The following CENPP variants were observed in gnomAD, a reference collection of about 807,000 sequenced individuals.
CENPP encodes centromere protein P.
A neutral mutation model predicts 35.6 loss-of-function variants in CENPP; 24 were observed. The ratio of observed to expected loss-of-function variants is 0.67; its 90% confidence interval spans 0.49 to 0.95. The LOEUF is 0.95. Among genes scored for constraint, CENPP ranks in the 40% least tolerant of loss-of-function variants. The pLI is 0.00. For synonymous variants in CENPP, 120 were observed against 125.5 expected (o/e 0.96, Z 0.29); for missense variants, 332 against 345.3 (o/e 0.96, Z 0.31).
At chr9:92,504,084 T>A (rs1427258087) in intron 5 of CENPP, among the ~76,000 whole-genome samples, 1 of 152,232 alleles carries the variant, frequency 6.6e-6, no homozygotes, top group Non-Finnish European at 1.5e-5. Context: ...CTCTTTTGTA[T>A]TATCCTCATT....
At chr9:92,570,509 T>A (rs1033882608) in intron 5 of CENPP, among the ~76,000 whole-genome samples, 21 of 152,328 alleles carry the variant, frequency 1.4e-4, no homozygotes, top group East Asian at 5.8e-4. Context: ...TTTGCATCAA[T>A]GTTCATCAGG....
intron 4 of CENPP, among the ~76,000 whole-genome samples, chr9:92,350,180 G>A (rs1841407475): frequency 6.6e-6 from 1 of 152,176 alleles, no homozygotes; most frequent in Non-Finnish European, 1.5e-5. Flanking sequence ...TTGAGAAGGA[G>A]ACATTTGGAG....
intron 5 of CENPP, among the ~76,000 whole-genome samples, chr9:92,537,062 G>A (rs1049229707): frequency 2.0e-5 from 3 of 151,340 alleles, no homozygotes; most frequent in African/African-American, 7.3e-5. Flanking sequence ...TTTTAGTAGA[G>A]ATGGGGTTTC....
intron 5 of CENPP, among the ~76,000 whole-genome samples, chr9:92,531,965 T>G (rs899236758): frequency 6.6e-6 from 1 of 151,488 alleles, no homozygotes; most frequent in Non-Finnish European, 1.5e-5. Flanking sequence ...TTCCAGTATT[T>G]TATTGTTGCC....
At chr9:92,444,146 C>T (rs1330561420) in intron 5 of CENPP, among the ~76,000 whole-genome samples, 8 of 152,062 alleles carry the variant, frequency 5.3e-5, no homozygotes, top group African/African-American at 9.7e-5. Flanking sequence ...TATATCACTC[C>T]GCTTTGAGAT....
chr9:92,517,829 T>G (rs1343185258), intron 5 of CENPP: 1 of 1,614,084 alleles, frequency 6.2e-7, no homozygotes, highest in Non-Finnish European at 8.5e-7. Context: ...ACCACACAGC[T>G]TTGTTGTACA....
intron 1 of CENPP, among the ~76,000 whole-genome samples, chr9:92,327,411 A>G (rs1588025400): frequency 6.6e-6 from 1 of 152,176 alleles, no homozygotes; most frequent in Admixed American, 6.5e-5. Context: ...TGGGGCAGGG[A>G]TTTATGCTGT....
intron 5 of CENPP, among the ~76,000 whole-genome samples, chr9:92,533,170 C>T (rs1848908157): frequency 2.0e-5 from 3 of 150,000 alleles, no homozygotes; most frequent in Admixed American, 6.7e-5. Flanking sequence ...TGTGGTGGCA[C>T]GCGCGTGTAG....
At chr9:92,357,804 C>G (rs971640958) in intron 4 of CENPP, among the ~76,000 whole-genome samples, 2 of 152,010 alleles carry the variant, frequency 1.3e-5, no homozygotes, top group Non-Finnish European at 2.9e-5. Flanking sequence ...CACTATCTCC[C>G]TCACTTTTTA....
intron 5 of CENPP, among the ~76,000 whole-genome samples, chr9:92,409,920 T>C (rs561444482): frequency 2.6e-5 from 4 of 152,212 alleles, no homozygotes; most frequent in African/African-American, 9.6e-5. Flanking sequence ...GGTTTTTCTT[T>C]GTTTTGTTTT....
At chr9:92,396,529 C>T (rs910766269) in intron 5 of CENPP, among the ~76,000 whole-genome samples, 55 of 151,122 alleles carry the variant, frequency 3.6e-4, no homozygotes, top group African/African-American at 9.5e-4. Context: ...CTCTTAGCAG[C>T]GTTATTTAGA....
At chr9:92,513,308 A>G (rs1193054899) in intron 5 of CENPP, among the ~76,000 whole-genome samples, 1 of 152,216 alleles carries the variant, frequency 6.6e-6, no homozygotes, top group African/African-American at 2.4e-5. Context: ...AACTGACAGT[A>G]CCAAGTGCGG....
chr9:92,368,088 A>G (rs1301023578), intron 4 of CENPP, among the ~76,000 whole-genome samples: 1 of 152,158 alleles, frequency 6.6e-6, no homozygotes, highest in Non-Finnish European at 1.5e-5. Flanking sequence ...TTAAGTTCTT[A>G]TGTGTGAATA....
In CENPP at chr9:92,513,466, AC is replaced by A. The variant is rs370994781; in HGVS notation, c.565-97847del. Among the ~76,000 whole-genome samples, 4 of 152,284 alleles carry A rather than the reference AC, an allele frequency of 2.6e-5. No individual in the cohort carries two copies. In the East Asian group the frequency reaches 5.8e-4, roughly 22 times the overall value. The stretch of plus-strand genomic sequence containing the variant: ...CCTGGGCATTGCCCTAGAGAAATGA[AC>A]ACTTAGGTCCACACAAACATCTGTA... On this transcript the variant is annotated intron_variant, in intron 5 of 7. Coordinates refer to ENST00000375587, the MANE Select transcript of CENPP (RefSeq NM_001012267.3).
At chr9:92,418,169 C>T in intron 5 of CENPP, among the ~76,000 whole-genome samples, 1 of 151,920 alleles carries the variant, frequency 6.6e-6, no homozygotes, top group East Asian at 1.9e-4. Flanking sequence ...TCACTGCAGC[C>T]TCCACCTCCC....
chr9:92,343,245 G>A (rs72750502), intron 3 of CENPP, among the ~76,000 whole-genome samples: 4,653 of 152,190 alleles, frequency 0.031, 110 homozygotes, highest in South Asian at 0.079. Flanking sequence ...TAAGTAAATG[G>A]ATCCAGAGAG....
intron 4 of CENPP, among the ~76,000 whole-genome samples, chr9:92,374,398 G>C (rs892673612): frequency 6.6e-6 from 1 of 151,942 alleles, no homozygotes; most frequent in Non-Finnish European, 1.5e-5. Flanking sequence ...AGAGACGGAG[G>C]TTTCTCCATG....
Position 92,619,684 on chromosome 9 carries a change from G to T in CENPP, c.*6535G>T, listed in dbSNP as rs1851563215. On this transcript the variant is annotated 3_prime_UTR_variant, in exon 8 of 8. Transcript: ENST00000375587. The stretch of plus-strand genomic sequence containing the variant: ...TTCCTGCCTCAGAACCTGAGGGTGG[G>T]ATTAGGAGCGAGGGCCACGGTGAGC... 3.2e-6 allele frequency: 3 copies of T among 925,624 alleles called. No homozygotes were observed. Among genetic ancestry groups the T allele is most frequent in the South Asian group, 1.5e-5 (1 of 68,178 alleles). The allele number at this position is 925,624 out of a possible 1,614,324, so 57.3% of individuals were successfully genotyped here.
chr9:92,568,166 A>G (rs1850042561), intron 5 of CENPP, among the ~76,000 whole-genome samples: 1 of 151,036 alleles, frequency 6.6e-6, no homozygotes, highest in South Asian at 2.1e-4. Context: ...TACATGTGCC[A>G]TGTTGGTGTG....
Sources: gnomAD v4.1 joint callset for allele counts (sites outside exome capture counted in the v4.1 genomes callset) on GRCh38, gnomAD v4.1.1 for gene constraint, MANE v1.5 for transcripts, NCBI Gene and HGNC (gene_info 2026-07-23, HGNC 2026-07-21) for gene names.